Variants in LIMS1 observed in about 807,000 individuals in gnomAD.
The protein encoded by LIMS1 is LIM and senescent cell antigen-like-containing domain protein 1.
A neutral mutation model predicts 44.1 loss-of-function variants in LIMS1; 18 were observed. The observed-to-expected ratio is 0.41, with a 90% CI of 0.28 to 0.61. The LOEUF (loss-of-function observed/expected upper bound fraction) is 0.61. Among genes scored for constraint, LIMS1 ranks in the 20% least tolerant of loss-of-function variants. The pLI, the probability that LIMS1 is intolerant of heterozygous loss-of-function variation, is 0.32. For synonymous variants in LIMS1, 93 were observed against 149.1 expected, an observed-to-expected ratio of 0.62 and a Z score of 2.74; for missense variants, 201 against 422.0, an observed-to-expected ratio of 0.48 and a Z score of 4.59.
At chr2:108,600,935 T>TCTC (rs371132491) in intron 1 of LIMS1, among the ~76,000 whole-genome samples, 2 of 148,438 alleles carry the variant, frequency 1.3e-5, no homozygotes, top group African/African-American at 5.0e-5. Flanking sequence ...TCTCTTCTCT[T>TCTC]TTTTCTTCAC....
chr2:108,608,848 C>T (rs1316796226), intron 1 of LIMS1, among the ~76,000 whole-genome samples: 1 of 152,154 alleles, frequency 6.6e-6, no homozygotes, highest in Non-Finnish European at 1.5e-5. Flanking sequence ...GCTCATTTCA[C>T]AGGGTGTTAG....
Position 108,680,781 on chromosome 2 carries a change from G to T in LIMS1, c.899+11G>T, listed in dbSNP as rs544559099. ...TAAATTAACACTCAAGTAAGTGTACGGTTTTGTCCAGTGTGAATCCTAAGA... is the reference window on the plus strand; with the variant it reads ...TAAATTAACACTCAAGTAAGTGTACTGTTTTGTCCAGTGTGAATCCTAAGA... On this transcript the variant is annotated intron_variant, in intron 9 of 9. Transcript: ENST00000544547. 17 of 1,605,270 alleles carry T rather than the reference G, an allele frequency of 1.1e-5. No individual in the cohort carries two copies. The Admixed American group carries it at 2.6e-4, about 24-fold the overall frequency.
intron 2 of LIMS1, among the ~76,000 whole-genome samples, chr2:108,665,154 C>T (rs1691663098): frequency 6.6e-6 from 1 of 152,200 alleles, no homozygotes; most frequent in South Asian, 2.1e-4. Context: ...CCCTTAACCA[C>T]AGGGAAATGT....
chr2:108,600,933 C>CT (rs1558803945), intron 1 of LIMS1, among the ~76,000 whole-genome samples: 3 of 149,484 alleles, frequency 2.0e-5, no homozygotes, highest in South Asian at 4.2e-4. Context: ...CTTCTCTTCT[C>CT]TTTTTTCTTC....
intron 1 of LIMS1, among the ~76,000 whole-genome samples, chr2:108,623,838 C>T (rs1358487671): frequency 6.6e-6 from 1 of 152,206 alleles, no homozygotes; most frequent in East Asian, 1.9e-4. Flanking sequence ...TGGCCATGGC[C>T]ACTGCCAGAA....
At chr2:108,656,550 G>A (rs1690867394) in intron 1 of LIMS1, among the ~76,000 whole-genome samples, 1 of 152,008 alleles carries the variant, frequency 6.6e-6, no homozygotes, top group South Asian at 2.1e-4. Flanking sequence ...TTGTGCCAGA[G>A]GGTCAAAGGC....
At chr2:108,563,404 A>G (rs879729545) in intron 1 of LIMS1, among the ~76,000 whole-genome samples, 2 of 152,216 alleles carry the variant, frequency 1.3e-5, no homozygotes, top group East Asian at 3.9e-4. Context: ...GATTTATGGC[A>G]GGTGGTCAAA....
intron 1 of LIMS1, among the ~76,000 whole-genome samples, chr2:108,625,054 G>A (rs868828748): frequency 7.2e-5 from 11 of 152,338 alleles, no homozygotes; most frequent in Middle Eastern, 3.4e-3. Context: ...ACTGCAGCTT[G>A]GGCTACAGAG....
At chr2:108,550,914 A>G (rs1684667000) in intron 1 of LIMS1, among the ~76,000 whole-genome samples, 2 of 152,094 alleles carry the variant, frequency 1.3e-5, no homozygotes, top group African/African-American at 4.8e-5. Flanking sequence ...TGAGGCCAGA[A>G]GTTTGAGACC....
intron 1 of LIMS1, among the ~76,000 whole-genome samples, chr2:108,583,958 T>C (rs984948508): frequency 6.6e-6 from 1 of 152,120 alleles, no homozygotes; most frequent in African/African-American, 2.4e-5. Flanking sequence ...CCTCCCAAAG[T>C]GCTGAGATTA....
intron 1 of LIMS1, among the ~76,000 whole-genome samples, chr2:108,650,315 A>G (rs183743320): frequency 2.0e-5 from 3 of 152,040 alleles, no homozygotes; most frequent in African/African-American, 7.2e-5. Context: ...AAAATAACAT[A>G]TTTCTTTTAG....
chr2:108,548,677 C>T (rs1366546148), intron 1 of LIMS1, among the ~76,000 whole-genome samples: 1 of 152,160 alleles, frequency 6.6e-6, no homozygotes, highest in East Asian at 1.9e-4. Flanking sequence ...CCCCACCAGC[C>T]CCCCTGGCAA....
intron 1 of LIMS1, among the ~76,000 whole-genome samples, chr2:108,602,625 G>A (rs1188430995): frequency 1.3e-5 from 2 of 152,146 alleles, no homozygotes; most frequent in Non-Finnish European, 2.9e-5. Flanking sequence ...TGATTTGCAT[G>A]TGTTGAACCA....
intron 1 of LIMS1, among the ~76,000 whole-genome samples, chr2:108,611,923 T>A (rs1296640799): frequency 1.4e-5 from 2 of 143,170 alleles, no homozygotes; most frequent in Non-Finnish European, 1.5e-5. Context: ...ACATATAAAA[T>A]ATATATATAC....
chr2:108,674,638 A>G (rs4676205), intron 5 of LIMS1, among the ~76,000 whole-genome samples: 110,119 of 135,352 alleles, frequency 0.81, 45,068 homozygotes, highest in East Asian at 0.97. Flanking sequence ...GGAGAATGGC[A>G]TGAACCTGGG....
chr2:108,567,159 A>C (rs149352216), intron 1 of LIMS1, among the ~76,000 whole-genome samples: 2 of 152,192 alleles, frequency 1.3e-5, no homozygotes, highest in East Asian at 1.9e-4. Flanking sequence ...ATTGATTCCC[A>C]GTTGGGACCA....
rs546456143 is a variant in LIMS1, at chr2:108,621,440, G to C, written c.33-38165G>C. 4.5e-6 allele frequency: 7 copies of C among 1,551,130 alleles called. No individual in the cohort carries two copies. In the South Asian group the frequency reaches 5.9e-5, roughly 13 times the overall value. On this transcript the variant is annotated intron_variant, in intron 1 of 9. Transcript: ENST00000544547. The stretch of plus-strand genomic sequence containing the variant: ...CGCCCCGATAGTTTGAGAGTAAATG[G>C]GTTACCAGAGGAAGAGCTAAGGTGA...
chr2:108,669,789 A>G (rs1231600588), intron 2 of LIMS1, among the ~76,000 whole-genome samples: 1 of 152,068 alleles, frequency 6.6e-6, no homozygotes, highest in Non-Finnish European at 1.5e-5. Flanking sequence ...TGAGTCTTCT[A>G]GTGGAAAGCC....
chr2:108,624,131 A>G (rs1688424676), intron 1 of LIMS1, among the ~76,000 whole-genome samples: 1 of 152,242 alleles, frequency 6.6e-6, no homozygotes, highest in Non-Finnish European at 1.5e-5. Flanking sequence ...GACACAAGTG[A>G]CATGCTTGTT....
Sources: gnomAD v4.1 joint callset for allele counts (sites outside exome capture counted in the v4.1 genomes callset) on GRCh38, gnomAD v4.1.1 for gene constraint, MANE v1.5 for transcripts, NCBI Gene and HGNC (gene_info 2026-07-23, HGNC 2026-07-21) for gene names.